PATL2: variants seen among roughly 807,000 people sequenced by gnomAD.
PATL2 encodes the protein PAT1 homolog 2, also known as protein PAT1 homolog 2.
In PATL2, 73 loss-of-function variants were observed where a neutral mutation model predicts 77.0. The observed-to-expected ratio is 0.95, with a 90% CI of 0.78 to 1.15. PATL2 has a LOEUF of 1.15. Among genes scored for constraint, PATL2 ranks in the 50% most tolerant of loss-of-function variants. PATL2 has a pLI of 0.00. For synonymous variants in PATL2, 265 were observed against 257.1 expected (o/e 1.03, Z -0.29); for missense variants, 618 against 655.4 (o/e 0.94, Z 0.62).
intron 3 of PATL2, among the ~76,000 whole-genome samples, chr15:44,705,272 T>G (rs1198086813): frequency 6.6e-6 from 1 of 152,112 alleles, no homozygotes; most frequent in Non-Finnish European, 1.5e-5. Context: ...AGCCTCCACT[T>G]CCCAGGTTCA....
At chr15:44,683,010 G>A (rs1002922590) in intron 3 of PATL2, among the ~76,000 whole-genome samples, 1 of 152,178 alleles carries the variant, frequency 6.6e-6, no homozygotes, top group African/African-American at 2.4e-5. Flanking sequence ...CCCTCTCCTA[G>A]CCAAGGGACT....
intron 3 of PATL2, among the ~76,000 whole-genome samples, chr15:44,706,510 A>G (rs978289792): frequency 6.6e-5 from 10 of 152,258 alleles, no homozygotes; most frequent in African/African-American, 2.4e-4. Flanking sequence ...CTGATTACTC[A>G]TAGAGGCACT....
At chr15:44,698,658 G>A (rs2086564175) in intron 3 of PATL2, among the ~76,000 whole-genome samples, 1 of 152,170 alleles carries the variant, frequency 6.6e-6, no homozygotes, top group South Asian at 2.1e-4. Flanking sequence ...GGACACTTAG[G>A]TTGCTTCCAA....
At chr15:44,710,246 T>C (rs987510529) in intron 2 of PATL2, among the ~76,000 whole-genome samples, 32 bp from the exon 3 acceptor site, 1 of 152,210 alleles carries the variant, frequency 6.6e-6, no homozygotes, top group Non-Finnish European at 1.5e-5. Flanking sequence ...CTAGAAGTTA[T>C]TTGTTGTGCT....
chr15:44,676,390 G>T, intron 4 of PATL2, 85 bp downstream of exon 4: 1 of 1,195,362 alleles, frequency 8.4e-7, no homozygotes, highest in Non-Finnish European at 1.2e-6. Flanking sequence ...AGTGACTCTG[G>T]ACATCCAATC....
intron 3 of PATL2, among the ~76,000 whole-genome samples, chr15:44,679,284 G>T (rs1009378663): frequency 6.6e-6 from 1 of 151,068 alleles, no homozygotes; most frequent in African/African-American, 2.4e-5. Flanking sequence ...AGGCTGGAGT[G>T]CAGTGGCACC....
chr15:44,682,911 T>C (rs1333003533), intron 3 of PATL2, among the ~76,000 whole-genome samples: 1 of 152,180 alleles, frequency 6.6e-6, no homozygotes, highest in Non-Finnish European at 1.5e-5. Context: ...TCACTGGGAC[T>C]GGTTAGACAG....
chr15:44,680,617 G>T (rs1294071932), intron 3 of PATL2, among the ~76,000 whole-genome samples: 1 of 152,068 alleles, frequency 6.6e-6, no homozygotes, highest in Non-Finnish European at 1.5e-5. Context: ...TTTTCTTAGT[G>T]TATAGGATAG....
chr15:44,682,302 C>G (rs2086151001), intron 3 of PATL2, among the ~76,000 whole-genome samples: 1 of 152,216 alleles, frequency 6.6e-6, no homozygotes, highest in Admixed American at 6.5e-5. Context: ...CTCAGATAGG[C>G]TTTTCCCTTC....
At chr15:44,693,716 A>AG (rs1487232441) in intron 3 of PATL2, among the ~76,000 whole-genome samples, 11 of 150,904 alleles carry the variant, frequency 7.3e-5, no homozygotes, top group Non-Finnish European at 7.4e-5. Context: ...TTTTTGAGAC[A>AG]GAGTCTCGCT....
At position 44,700,464 on chromosome 15, in the gene PATL2, G is replaced by A. The variant is rs141453175; in HGVS notation, c.-76+9632C>T. Among the ~76,000 whole-genome samples, 1,397 of 151,926 alleles carry A rather than the reference G, an allele frequency of 9.2e-3. 20 individuals carry two copies. The highest frequency in any genetic ancestry group is 0.032 in the African/African-American group (1,308 of 41,390). On this transcript the variant is annotated intron_variant, in intron 3 of 17. Coordinates refer to ENST00000682850, the MANE Select transcript of PATL2 (RefSeq NM_001387263.1). ...CTACAGGTATGTGCCACCACACCTCGCTAATTTTTGTATTTTTAGCAGAGA... is the reference window on the plus strand; with the variant it reads ...CTACAGGTATGTGCCACCACACCTCACTAATTTTTGTATTTTTAGCAGAGA...
At chr15:44,667,718 G>A (rs957757633) in intron 15 of PATL2, among the ~76,000 whole-genome samples, 3 of 152,164 alleles carry the variant, frequency 2.0e-5, no homozygotes, top group African/African-American at 4.8e-5. Context: ...CGAGGCAGGC[G>A]AATCACTTAA....
chr15:44,675,398 TAGAAAAG>T, intron 5 of PATL2, 81 bp downstream of exon 5: 1 of 1,395,316 alleles, frequency 7.2e-7, no homozygotes, highest in Non-Finnish European at 9.6e-7. Flanking sequence ...TAGAAAAGGG[TAGAAAAG>T]AGAAGAGGAA....
intron 14 of PATL2, 93 bp downstream of exon 14, chr15:44,668,887 C>T (rs539923909): frequency 7.2e-7 from 1 of 1,394,458 alleles, no homozygotes; most frequent in South Asian, 1.6e-5. Flanking sequence ...AGCACCTTCT[C>T]TGGCATCTCT....
chr15:44,674,336 TC>T (rs2085843822), intron 5 of PATL2, 106 bp from the exon 6 acceptor site: 2 of 855,844 alleles, frequency 2.3e-6, no homozygotes, highest in African/African-American at 3.4e-5. Flanking sequence ...GACCAGGTGT[TC>T]CAACATCCAG....
At chr15:44,692,201 TAGAG>T (rs2086407767) in intron 3 of PATL2, among the ~76,000 whole-genome samples, 2 of 152,314 alleles carry the variant, frequency 1.3e-5, no homozygotes, top group South Asian at 4.1e-4. Flanking sequence ...TGTATATAAA[TAGAG>T]AAAGAATAAA....
In PATL2 at chr15:44,676,185, T is replaced by G. The variant is rs557798821; in HGVS notation, c.16+290A>C. ...CTCTTTGAACAAGTTCCACCTGCCC[T>G]GACTCACTGCAATTTAACCCTACTG... On this transcript the variant is annotated intron_variant, in intron 4 of 17. Transcript: ENST00000682850. 1.1e-5 allele frequency: 5 copies of G among 455,636 alleles called. 1 individual carries two copies. Among genetic ancestry groups the G allele is most frequent in the African/African-American group, 9.9e-5 (5 of 50,572 alleles). The allele number at this position is 455,636 out of a possible 1,614,324, so 28.2% of individuals were successfully genotyped here.
chr15:44,701,795 C>T (rs2086635480), intron 3 of PATL2, among the ~76,000 whole-genome samples: 2 of 150,530 alleles, frequency 1.3e-5, no homozygotes, highest in East Asian at 3.9e-4. Flanking sequence ...GCTGTACAAA[C>T]ATAGTGCTGG....
intron 3 of PATL2, among the ~76,000 whole-genome samples, chr15:44,708,776 AT>A (rs2086791638): frequency 6.6e-6 from 1 of 152,230 alleles, no homozygotes; most frequent in Non-Finnish European, 1.5e-5. Context: ...TTAAACATTA[AT>A]GTCCAAGTCT....
Sources: gnomAD v4.1 joint callset for allele counts (sites outside exome capture counted in the v4.1 genomes callset) on GRCh38, gnomAD v4.1.1 for gene constraint, MANE v1.5 for transcripts, NCBI Gene and HGNC (gene_info 2026-07-23, HGNC 2026-07-21) for gene names.